ANKRD34B: variants seen among roughly 807,000 people sequenced by gnomAD.
ANKRD34B encodes ankyrin repeat domain 34B.
ANKRD34B carries 2 observed loss-of-function variants against 4.4 expected under a neutral mutation model. The ratio of observed to expected loss-of-function variants is 0.46; its 90% CI spans 0.19 to 1.44. The LOEUF (loss-of-function observed/expected upper bound fraction) is 1.44. Among genes scored for constraint, ANKRD34B ranks in the 40% most tolerant of loss-of-function variants. ANKRD34B has a pLI of 0.26. For synonymous variants in ANKRD34B, 226 were observed against 227.1 expected (o/e 0.99, Z 0.05); for missense variants, 558 against 604.7 (o/e 0.92, Z 0.81).
At chr5:80,567,209 A>T (rs1215343210) in intron 2 of ANKRD34B, among the ~76,000 whole-genome samples, 1 of 152,112 alleles carries the variant, frequency 6.6e-6, no homozygotes, top group East Asian at 1.9e-4. Context: ...TTTGTGTGTT[A>T]TCTCACATGG....
Position 80,558,571 on chromosome 5 carries a change from T to C in ANKRD34B, c.1449A>G (p.Thr483=), listed in dbSNP as rs1372822246. The part of the protein sequence containing the change: ...LSCGQKVLMP[T]VPIFPKEFKS... ...TGAATTCTTTAGGGAAAATCGGAAC[T>C]GTTGGCATAAGCACTTTTTGACCAC... The change falls in exon 5 of 5, where the codon ACA becomes ACG. Residue 483 remains threonine, a synonymous_variant. Coordinates refer to ENST00000338682, the MANE Select transcript of ANKRD34B (RefSeq NM_001004441.3). 6.2e-7 allele frequency: 1 copy of C among 1,614,182 alleles called. No homozygotes were observed. Among genetic ancestry groups the C allele is most frequent in the Non-Finnish European group, 8.5e-7 (1 of 1,179,996 alleles).
At chr5:80,563,055 A>G (rs1746451059) in intron 4 of ANKRD34B, among the ~76,000 whole-genome samples, 1 of 149,548 alleles carries the variant, frequency 6.7e-6, no homozygotes, top group Non-Finnish European at 1.5e-5. Context: ...CACTGGCAAT[A>G]TTGTCCTTTC....
In ANKRD34B at chr5:80,559,716, AAAC is replaced by A; in HGVS notation, c.301_303del (p.Val101del). On this transcript the variant is annotated inframe_deletion, in exon 5 of 5. Coordinates refer to ENST00000338682, the MANE Select transcript of ANKRD34B (RefSeq NM_001004441.3). ...TCAGCCCCACTCTTGAGGAGCAAGG[AAAC>A]AACTTCAGGGCCAGCTTTTTCTAAG... 2.5e-6 allele frequency: 4 copies of A among 1,614,226 alleles called. No homozygotes were observed. The highest frequency in any genetic ancestry group is 3.4e-6 in the Non-Finnish European group (4 of 1,180,034).
At position 80,559,047 on chromosome 5, in the gene ANKRD34B, G is replaced by C. The variant is rs765760204; in HGVS notation, c.973C>G (p.Gln325Glu). 1 of 1,614,178 alleles carries C rather than the reference G, an allele frequency of 6.2e-7. No homozygotes were observed. The highest frequency in any genetic ancestry group is 8.5e-7 in the Non-Finnish European group (1 of 1,180,030). Reference protein sequence around the residue: ...RKMSYDEINCQSYLSEGNQQC... With the variant: ...RKMSYDEINCESYLSEGNQQC... ...TGATTTCCTTCTGAAAGATAAGATT[G>C]ACAATTTATTTCATCATATGACATC... Residue 325 changes from glutamine (Q) to glutamate (E), a missense_variant, in exon 5 of 5, where the codon CAA (glutamine) becomes GAA (glutamate). Transcript: ENST00000338682.
chr5:80,559,091 T>C lies in ANKRD34B; in HGVS notation c.929A>G (p.Asp310Gly), dbSNP rs1382402847. The change falls in exon 5 of 5, where the codon GAT becomes GGT. Residue 310 changes from aspartate (D) to glycine (G), a missense_variant. Physicochemically the swap from Asp to Gly is moderately conservative, Grantham distance 94 (BLOSUM62 -1). Coordinates refer to ENST00000338682, the MANE Select transcript of ANKRD34B (RefSeq NM_001004441.3). ...TGACATCTTCCTTGAGCTGGCCTGA[T>C]CAAAGGCTCTTAGCAAATGTGCAGT... ...KDTAHLLRAF[D>G]QASSRKMSYD... is the part of the protein sequence containing the mutation. The C allele has an allele frequency of 6.2e-7, 1 of 1,614,098 alleles. No individual in the cohort carries two copies. The highest frequency in any genetic ancestry group is 1.3e-5 in the African/African-American group (1 of 74,926).
rs144812259 is a variant in ANKRD34B at position 80,566,063 on chromosome 5, G to A, written c.-105+626C>T. 4.0e-4 allele frequency among the ~76,000 whole-genome samples: 61 copies of A among 152,252 alleles called. 1 individual carries two copies. Among genetic ancestry groups the A allele is most frequent in the East Asian group, 3.7e-3 (19 of 5,196 alleles). Reference sequence around the variant, plus strand: ...ATGCCACCAAAATAATAAGCACTGAGTTATTTTTAAAAAATATTTTAAATA... The same window carrying A: ...ATGCCACCAAAATAATAAGCACTGAATTATTTTTAAAAAATATTTTAAATA... On this transcript the variant is annotated intron_variant, in intron 3 of 4. Transcript: ENST00000338682.
At chr5:80,567,569 C>T (rs755860986) in intron 2 of ANKRD34B, among the ~76,000 whole-genome samples, 2 of 139,834 alleles carry the variant, frequency 1.4e-5, no homozygotes, top group East Asian at 2.2e-4. Context: ...TGCAGTGAGC[C>T]GAGATTGCAC....
chr5:80,570,074 C>G (rs1022773170), intron 1 of ANKRD34B, 80 bp downstream of exon 1: 1 of 152,450 alleles, frequency 6.6e-6, no homozygotes, highest in Non-Finnish European at 1.5e-5. Context: ...GCTGCGCCCT[C>G]GATGTCCTCC....
In ANKRD34B at chr5:80,558,421, T is replaced by C; in HGVS notation, c.*54A>G. On this transcript the variant is annotated 3_prime_UTR_variant, in exon 5 of 5. Transcript: ENST00000338682. ...TGAACATTTAAGATTTCTTCTCTAG[T>C]TCTTTGTTTCTCTGATATAAACATT... 7.5e-7 allele frequency: 1 copy of C among 1,340,770 alleles called. No individual in the cohort carries two copies. The highest frequency in any genetic ancestry group is 1.0e-6 in the Non-Finnish European group (1 of 972,166). The allele number at this position is 1,340,770 out of a possible 1,614,324, so 83.1% of individuals were successfully genotyped here.
At chr5:80,563,384 T>C (rs1346383968) in intron 4 of ANKRD34B, among the ~76,000 whole-genome samples, 2 of 152,220 alleles carry the variant, frequency 1.3e-5, no homozygotes, top group Non-Finnish European at 2.9e-5. Flanking sequence ...TTTATTTACT[T>C]ATTGTAAAAT....
chr5:80,558,476 T>C lies in ANKRD34B; in HGVS notation c.1544A>G (p.Ter515TrpextTer24), dbSNP rs754686194. The change falls in exon 5 of 5, where the codon TAG (stop) becomes TGG (tryptophan). Residue 515 changes from the stop codon to tryptophan (W), a stop_lost. Coordinates refer to ENST00000338682, the MANE Select transcript of ANKRD34B (RefSeq NM_001004441.3). ...GAAGATGTGTTTTATACCCATCTCC[T>C]AGAAGTTTACTAATTGCTTAATTTG... is the stretch of plus-strand genomic sequence containing the variant. ...TEQIKQLVNF[*>W] The C allele has an allele frequency of 3.1e-5, 49 of 1,592,994 alleles. No homozygotes were observed. The highest frequency in any genetic ancestry group is 4.0e-5 in the Non-Finnish European group (47 of 1,163,046).
Position 80,558,977 on chromosome 5 carries a change from T to A in ANKRD34B, c.1043A>T (p.Gln348Leu). Residue 348 changes from glutamine (Q) to leucine (L), a missense_variant, in exon 5 of 5, where the codon CAG (glutamine) becomes CTG (leucine). By Grantham distance (113) the Gln-to-Leu change is moderately radical. Coordinates refer to ENST00000338682, the MANE Select transcript of ANKRD34B (RefSeq NM_001004441.3). The part of the protein sequence containing the change: ...VPVDQDPDSN[Q>L]TIFASTLRSI... ...TCTTAAGGTGGAAGCAAATATTGTC[T>A]GGTTAGAATCTGGGTCCTGGTCAAC... is the stretch of plus-strand genomic sequence containing the variant. 6.2e-7 allele frequency: 1 copy of A among 1,614,246 alleles called. No individual in the cohort carries two copies. Among genetic ancestry groups the A allele is most frequent in the Non-Finnish European group, 8.5e-7 (1 of 1,180,050 alleles).
chr5:80,565,308 C>T (rs1031229130), intron 3 of ANKRD34B, among the ~76,000 whole-genome samples: 9 of 152,228 alleles, frequency 5.9e-5, no homozygotes, highest in Admixed American at 5.9e-4. Context: ...TTGCCTAGAA[C>T]GTTCTTTCCT....
At chr5:80,567,478 G>A (rs1055185173) in intron 2 of ANKRD34B, among the ~76,000 whole-genome samples, 4 of 151,454 alleles carry the variant, frequency 2.6e-5, no homozygotes, top group African/African-American at 4.8e-5. Flanking sequence ...AAAATTAGCC[G>A]GGCATTGTGG....
At position 80,558,531 on chromosome 5, in the gene ANKRD34B, A is replaced by T. The variant is rs747605832; in HGVS notation, c.1489T>A (p.Leu497Met). ...FPKEFKSKKM[L>M]LRRQSLQTEQ... Reference sequence around the variant, plus strand: ...GTTTGCAATGATTGTCTCCTTAACAACATTTTCTTACTTTTGAATTCTTTA... The same window carrying T: ...GTTTGCAATGATTGTCTCCTTAACATCATTTTCTTACTTTTGAATTCTTTA... Residue 497 changes from leucine to methionine, a missense_variant, in exon 5 of 5, where the codon TTG (leucine) becomes ATG (methionine). By Grantham distance (15) the Leu-to-Met change is conservative. Coordinates refer to ENST00000338682, the MANE Select transcript of ANKRD34B (RefSeq NM_001004441.3). The T allele has an allele frequency of 6.2e-7, 1 of 1,614,062 alleles. No individual in the cohort carries two copies. Among genetic ancestry groups the T allele is most frequent in the South Asian group, 1.1e-5 (1 of 91,070 alleles).
At position 80,570,259 on chromosome 5, in the gene ANKRD34B, C is replaced by T. The variant is rs1040689950; in HGVS notation, c.-444G>A. 1 of 152,250 alleles carries T rather than the reference C, an allele frequency of 6.6e-6. No homozygotes were observed. The highest frequency in any genetic ancestry group is 1.5e-5 in the Non-Finnish European group (1 of 68,076). The allele number at this position is 152,250 out of a possible 1,614,324, so 9.4% of individuals were successfully genotyped here. A position where few individuals can be genotyped will look rare whatever the true frequency, so the allele number is the denominator to read the frequency against. ...GCCGTCTGAGCTGAGCTGTGGTCTT[C>T]GGCTCCTCGGCGCCTCGAATCGCAG... On this transcript the variant is annotated 5_prime_UTR_variant, in exon 1 of 5. Coordinates refer to ENST00000338682, the MANE Select transcript of ANKRD34B (RefSeq NM_001004441.3).
At chr5:80,567,621 C>CAAAAAAAAAAAAAA (rs111603222) in intron 2 of ANKRD34B, among the ~76,000 whole-genome samples, 203 of 50,306 alleles carry the variant, frequency 4.0e-3, no homozygotes, top group East Asian at 0.019. Flanking sequence ...GACTCCGTCT[C>CAAAAAAAAAAAAAA]AAAAAAAAAA....
In ANKRD34B at chr5:80,559,045, T is replaced by C. The variant is rs755491117; in HGVS notation, c.975A>G (p.Gln325=). The change falls in exon 5 of 5, where the codon CAA becomes CAG. Residue 325 remains glutamine, a synonymous_variant. Coordinates refer to ENST00000338682, the MANE Select transcript of ANKRD34B (RefSeq NM_001004441.3). Reference sequence around the variant, plus strand: ...GCTGATTTCCTTCTGAAAGATAAGATTGACAATTTATTTCATCATATGACA... The same window carrying C: ...GCTGATTTCCTTCTGAAAGATAAGACTGACAATTTATTTCATCATATGACA... The part of the protein sequence containing the change: ...RKMSYDEINC[Q]SYLSEGNQQC... The C allele has an allele frequency of 1.1e-5, 18 of 1,614,226 alleles. No individual in the cohort carries two copies. The highest frequency in any genetic ancestry group is 1.6e-4 in the Middle Eastern group (1 of 6,062).
Position 80,559,499 on chromosome 5 carries a change from A to G in ANKRD34B, c.521T>C (p.Ile174Thr). The change falls in exon 5 of 5, where the codon ATA (isoleucine) becomes ACA (threonine). Residue 174 changes from isoleucine (I) to threonine (T), a missense_variant. Physicochemically the swap from Ile to Thr is moderately conservative, Grantham distance 89 (BLOSUM62 -1). Transcript: ENST00000338682. ...GGTAGCTGGGGAATGACACCCATCT[A>G]TATCCACAGGAGGCATATTTAAGTA... ...KQYLNMPPVDIDGCHSPATCT... is the reference protein window; with the variant it reads ...KQYLNMPPVDTDGCHSPATCT... The G allele has an allele frequency of 6.2e-7, 1 of 1,614,196 alleles. No individual in the cohort carries two copies. The highest frequency in any genetic ancestry group is 8.5e-7 in the Non-Finnish European group (1 of 1,180,042).
Sources: allele counts gnomAD v4.1 joint callset (sites outside exome capture counted in the v4.1 genomes callset), GRCh38; gene constraint gnomAD v4.1.1; transcripts MANE v1.5; gene names NCBI Gene and HGNC (gene_info 2026-07-23, HGNC 2026-07-21).